The following NT5C1B variants were observed in gnomAD, a reference collection of about 807,000 sequenced individuals.
NT5C1B encodes cytosolic 5'-nucleotidase 1B.
A neutral mutation model predicts 57.8 loss-of-function variants in NT5C1B; 44 were observed. The ratio of observed to expected loss-of-function variants is 0.76; its 90% CI spans 0.60 to 0.98. NT5C1B has a LOEUF of 0.98. Ranked by LOEUF, NT5C1B falls within the 50% of genes least tolerant of loss-of-function variation. The pLI is 0.00. For missense variants in NT5C1B, 742 were observed against 719.5 expected (o/e 1.03, Z -0.36); for synonymous variants, 284 against 282.6 (o/e 1.00, Z -0.05).
chr2:18,577,373 G>A (rs199635989), intron 6 of NT5C1B, among the ~76,000 whole-genome samples: 3 of 140,062 alleles, frequency 2.1e-5, no homozygotes, highest in Non-Finnish European at 3.0e-5. Context: ...TGTGGCTCTC[G>A]AGATCGCGCC....
At chr2:18,587,142 A>G (rs1400914905) in intron 2 of NT5C1B, 1 of 1,613,988 alleles carries the variant, frequency 6.2e-7, no homozygotes, top group East Asian at 2.2e-5. Flanking sequence ...GCAACATCTC[A>G]GCGAGTGATT....
Position 18,564,090 on chromosome 2 carries a change from T to TA in NT5C1B, c.1358dup (p.Leu453PhefsTer13), listed in dbSNP as rs1664419554. On this transcript the variant is annotated frameshift_variant, in exon 9 of 9. Coordinates refer to ENST00000304081, the Ensembl canonical transcript of NT5C1B. LOFTEE classifies it high-confidence loss of function. The stretch of plus-strand genomic sequence containing the variant: ...CATAGAACTTCTTTTGCAGTCTGCC[T>TA]AAATCTTCCAGAAAGCCTTTTAGGG... 15 of 1,589,336 alleles carry TA rather than the reference T, an allele frequency of 9.4e-6. No individual in the cohort carries two copies. The highest frequency in any genetic ancestry group is 1.8e-5 in the Admixed American group (1 of 56,658).
Position 18,587,611 on chromosome 2 carries a change from A to G in NT5C1B, c.31-19T>C. ...GCTCATTCTTGACAAGGAAACAAAGAATGTTTATTAATTTTTAATCTCAGG... is the reference window on the plus strand; with the variant it reads ...GCTCATTCTTGACAAGGAAACAAAGGATGTTTATTAATTTTTAATCTCAGG... On this transcript the variant is annotated intron_variant, in intron 1 of 8. Transcript: ENST00000304081. The G allele has an allele frequency of 6.2e-7, 1 of 1,601,908 alleles. No homozygotes were observed. The highest frequency in any genetic ancestry group is 1.8e-5 in the Admixed American group (1 of 56,758).
In NT5C1B at chr2:18,576,762, C is replaced by G; in HGVS notation, c.1144+11G>C. On this transcript the variant is annotated intron_variant, in intron 7 of 8. Transcript: ENST00000304081. ...TCTTTATTAACTAGAGGAATAAAAT[C>G]AGACTAATACCTTCTTGTATTGCCT... 2 of 1,612,078 alleles carry G rather than the reference C, an allele frequency of 1.2e-6. No individual in the cohort carries two copies. The highest frequency in any genetic ancestry group is 1.7e-6 in the Non-Finnish European group (2 of 1,179,358).
At chr2:18,586,809 T>A (rs963576645) in intron 2 of NT5C1B, 52 of 1,052,706 alleles carry the variant, frequency 4.9e-5, no homozygotes, top group Non-Finnish European at 6.3e-5. Flanking sequence ...CCCACTGAGG[T>A]TGCAGGGGGA....
intron 1 of NT5C1B, among the ~76,000 whole-genome samples, chr2:18,587,849 A>G (rs553854592): frequency 6.6e-6 from 1 of 152,334 alleles, no homozygotes; most frequent in East Asian, 1.9e-4. Context: ...TAAAGCATTT[A>G]TTGTTTAAAG....
chr2:18,564,054 T>C (rs376888692), exon 9 of NT5C1B: 46 of 1,610,064 alleles, frequency 2.9e-5, no homozygotes, highest in Non-Finnish European at 3.9e-5. Flanking sequence ...AAAGTAACCG[T>C]TCATTTTTGG....
At position 18,584,026 on chromosome 2, in the gene NT5C1B, T is replaced by G. The variant is rs1558385598; in HGVS notation, c.891+62A>C. The G allele has an allele frequency of 6.2e-7, 1 of 1,613,818 alleles. No individual in the cohort carries two copies. Among genetic ancestry groups the G allele is most frequent in the Admixed American group, 1.7e-5 (1 of 60,022 alleles). ...GGAAATTGGATGCCCTCCCAAGGGT[T>G]GGCCTGGGTCCCTCCCTCGCCATCG... On this transcript the variant is annotated intron_variant, in intron 5 of 8. Transcript: ENST00000304081. The surrounding 1 kb of genome is among the most constrained non-coding windows in gnomAD (Gnocchi z 5.8).
intron 8 of NT5C1B, among the ~76,000 whole-genome samples, chr2:18,570,907 TTACATAAC>T (rs1178330288): frequency 6.6e-6 from 1 of 152,258 alleles, no homozygotes. Flanking sequence ...TTAATGTAAT[TTACATAAC>T]AACAGACTAA....
chr2:18,587,984 A>AT (rs1461168669), intron 1 of NT5C1B, among the ~76,000 whole-genome samples: 1 of 152,188 alleles, frequency 6.6e-6, no homozygotes, highest in African/African-American at 2.4e-5. Context: ...TTAGAATTCA[A>AT]TTTTTTCTTG....
intron 6 of NT5C1B, among the ~76,000 whole-genome samples, chr2:18,580,631 A>AAT (rs1195601255): frequency 3.3e-5 from 5 of 152,200 alleles, no homozygotes; most frequent in Non-Finnish European, 7.3e-5. Context: ...AAACAAAAAG[A>AAT]ATATATGCAC....
At position 18,584,517 on chromosome 2, in the gene NT5C1B, C is replaced by A; in HGVS notation, c.720G>T (p.Trp240Cys). The A allele has an allele frequency of 6.2e-7, 1 of 1,608,598 alleles. No individual in the cohort carries two copies. The highest frequency in any genetic ancestry group is 2.2e-5 in the East Asian group (1 of 44,556). Residue 240 changes from tryptophan to cysteine, a missense_variant, in exon 4 of 9, where the codon TGG becomes TGT. Physicochemically the swap from Trp to Cys is radical, Grantham distance 215 (BLOSUM62 -2). Transcript: ENST00000304081. The surrounding 1 kb of genome is among the most constrained non-coding windows in gnomAD (Gnocchi z 5.8). ...CAGGGGCGGCGGGCTGGCTCACCGG[C>A]CAGGGGCGCGAGCAGCTCGGGTTCT...
chr2:18,584,549 A>G lies in NT5C1B; in HGVS notation c.688T>C (p.Tyr230His). The change falls in exon 4 of 9, where the codon TAC (tyrosine) becomes CAC (histidine). Residue 230 changes from tyrosine (Y) to histidine (H), a missense_variant. Transcript: ENST00000304081. This position sits in a 1 kb window ranked among gnomAD's most constrained non-coding sequence, Gnocchi z 5.8. ...CGCGAGCAGCTCGGGTTCTTCTCGT[A>G]GAACGACCTCATGGATGCCCAGTAG... The G allele has an allele frequency of 6.2e-7, 1 of 1,612,452 alleles. No individual in the cohort carries two copies. The highest frequency in any genetic ancestry group is 8.5e-7 in the Non-Finnish European group (1 of 1,179,448).
rs1665111818 is a variant in NT5C1B, at chr2:18,571,118, T to G, written c.1329+5066A>C. 2.0e-5 allele frequency among the ~76,000 whole-genome samples: 3 copies of G among 152,246 alleles called. No homozygotes were observed. The South Asian group carries it at 6.2e-4, about 32-fold the overall frequency. The stretch of plus-strand genomic sequence containing the variant: ...GATTGATGTCCCTCTAAGATCTGGG[T>G]ATATGGCAAGGGTGTCCACCCTCAT... On this transcript the variant is annotated intron_variant, in intron 8 of 8. Coordinates refer to ENST00000304081, the Ensembl canonical transcript of NT5C1B.
chr2:18,587,161 C>A (rs1666791050), intron 2 of NT5C1B: 1 of 1,613,066 alleles, frequency 6.2e-7, no homozygotes, highest in Middle Eastern at 1.7e-4. Context: ...TTCGGATTGA[C>A]TGCACGCCTC....
At chr2:18,564,865 A>T (rs1664499439) in intron 8 of NT5C1B, among the ~76,000 whole-genome samples, 1 of 152,240 alleles carries the variant, frequency 6.6e-6, no homozygotes, top group African/African-American at 2.4e-5. Flanking sequence ...TCTGACATTT[A>T]AGAAGGTTTA....
intron 8 of NT5C1B, among the ~76,000 whole-genome samples, chr2:18,574,368 C>T (rs1278966932): frequency 6.6e-6 from 1 of 152,102 alleles, no homozygotes; most frequent in East Asian, 1.9e-4. Context: ...AACCCTTATA[C>T]ACTGTGGGCA....
intron 8 of NT5C1B, among the ~76,000 whole-genome samples, chr2:18,574,796 G>T (rs1054547891): frequency 6.6e-6 from 1 of 151,976 alleles, no homozygotes; most frequent in African/African-American, 2.4e-5. Context: ...TTGTTAAGTG[G>T]ATAGATCATA....
Position 18,577,002 on chromosome 2 carries a change from A to G in NT5C1B, c.1022-107T>C, listed in dbSNP as rs1048310366. 4.3e-5 allele frequency: 66 copies of G among 1,548,162 alleles called. 1 individual carries two copies. The South Asian group carries it at 8.0e-4, about 19-fold the overall frequency. ...ATAACTGAGTTTATTTGTAAATTCAACTGGCTTTATTTGTGAACCTAAAGG... is the reference window on the plus strand; with the variant it reads ...ATAACTGAGTTTATTTGTAAATTCAGCTGGCTTTATTTGTGAACCTAAAGG... On this transcript the variant is annotated intron_variant, in intron 6 of 8. Transcript: ENST00000304081.
Sources: allele counts gnomAD v4.1 joint callset (sites outside exome capture counted in the v4.1 genomes callset), GRCh38; gene constraint gnomAD v4.1.1; non-coding constraint Gnocchi (gnomAD v3.1); transcripts MANE v1.5; gene names NCBI Gene and HGNC (gene_info 2026-07-23, HGNC 2026-07-21).